Variants in OPHN1 observed in about 807,000 individuals in gnomAD.
OPHN1 encodes oligophrenin 1.
In OPHN1, 11 loss-of-function variants were observed where a neutral mutation model predicts 60.7. That is an observed-to-expected ratio of 0.18 (90% confidence interval 0.11 to 0.30). The LOEUF (loss-of-function observed/expected upper bound fraction) is 0.30, where lower values mean the gene tolerates loss of function less well. Ranked by LOEUF, OPHN1 falls within the 10% of genes least tolerant of loss-of-function variation. The pLI is 1.00. For missense variants in OPHN1, 449 were observed against 611.0 expected (o/e 0.73, Z 2.80); for synonymous variants, 226 against 222.6 (o/e 1.02, Z -0.14).
chrX:68,161,284 A>G (rs1376351171), intron 15 of OPHN1, among the ~76,000 whole-genome samples: 1 of 111,526 alleles, frequency 9.0e-6, no homozygotes, highest in African/African-American at 3.2e-5. Context: ...AAACTTCAAG[A>G]ATTAATATGA....
At chrX:68,131,153 T>C (rs1314084591) in intron 15 of OPHN1, among the ~76,000 whole-genome samples, 1 of 111,318 alleles carries the variant, frequency 9.0e-6, no homozygotes, top group Non-Finnish European at 1.9e-5. Context: ...ACAAAATAGA[T>C]TTCAAGCCAA....
intron 2 of OPHN1, among the ~76,000 whole-genome samples, chrX:68,362,951 G>C (rs182845745): frequency 9.0e-6 from 1 of 111,146 alleles, no homozygotes; most frequent in East Asian, 2.9e-4. Flanking sequence ...AAACTGCTTT[G>C]AAAAATAGAA....
At chrX:68,076,282 C>T (rs774921667) in intron 19 of OPHN1, among the ~76,000 whole-genome samples, 21 of 110,137 alleles carry the variant, frequency 1.9e-4, no homozygotes, top group Non-Finnish European at 3.8e-4. Context: ...CCACTGAACA[C>T]CTATTAGAAT....
intron 2 of OPHN1, among the ~76,000 whole-genome samples, chrX:68,303,255 C>T (rs1450342332): frequency 1.8e-5 from 2 of 112,140 alleles, no homozygotes; most frequent in South Asian, 3.7e-4. Context: ...ACCCCAAAAG[C>T]AGTATATCAA....
intron 18 of OPHN1, among the ~76,000 whole-genome samples, chrX:68,105,755 A>G (rs1250774564): frequency 9.1e-6 from 1 of 109,851 alleles, no homozygotes; most frequent in Non-Finnish European, 1.9e-5. Flanking sequence ...GGGTATACCT[A>G]TGTAACAAAC....
At chrX:68,331,828 G>T (rs2078296653) in intron 2 of OPHN1, among the ~76,000 whole-genome samples, 1 of 109,493 alleles carries the variant, frequency 9.1e-6, no homozygotes, top group African/African-American at 3.3e-5. Flanking sequence ...GAGGTCAAGA[G>T]ATCGAGACCA....
intron 15 of OPHN1, among the ~76,000 whole-genome samples, chrX:68,152,323 C>A (rs1018382408): frequency 9.0e-6 from 1 of 111,257 alleles, no homozygotes; most frequent in Admixed American, 9.5e-5. Context: ...TTTACTAAAA[C>A]CTCTCCTCTT....
chrX:68,313,510 C>A (rs2078184052), intron 2 of OPHN1, among the ~76,000 whole-genome samples: 1 of 111,461 alleles, frequency 9.0e-6, no homozygotes, highest in Non-Finnish European at 1.9e-5. Context: ...CTCCATTCAA[C>A]CATAAAAAAG....
intron 6 of OPHN1, 96 bp from the exon 7 acceptor site, chrX:68,214,068 T>A: frequency 1.8e-6 from 1 of 543,840 alleles, no homozygotes. Flanking sequence ...TAGATGAGCA[T>A]TTAGCCACCA....
chrX:68,258,687 C>G (rs1249824247), intron 5 of OPHN1, among the ~76,000 whole-genome samples: 2 of 109,813 alleles, frequency 1.8e-5, no homozygotes, highest in Admixed American at 9.7e-5. Flanking sequence ...AATAACATTA[C>G]CACATCAGCT....
rs762408286 is a variant in OPHN1, at chrX:68,044,528, G to A, written c.*2644C>T. On this transcript the variant is annotated 3_prime_UTR_variant, in exon 25 of 25. Transcript: ENST00000355520. ...CCAGATTCTCTAACTTGCTGGCCAA[G>A]GTATGTTGATAATTTCCTATAGCTG... 6 of 112,339 alleles carry A rather than the reference G, an allele frequency of 5.3e-5. No homozygotes were observed. The highest frequency in any genetic ancestry group is 1.1e-4 in the Non-Finnish European group (6 of 53,288). The allele number at this position is 112,339 out of a possible 1,213,427, so 9.3% of individuals were successfully genotyped here.
At chrX:68,271,584 A>C (rs1049558182) in intron 5 of OPHN1, among the ~76,000 whole-genome samples, 1 of 110,454 alleles carries the variant, frequency 9.1e-6, no homozygotes, top group East Asian at 2.9e-4. Context: ...GGATAGCAGA[A>C]TGTTTGCTGA....
intron 2 of OPHN1, among the ~76,000 whole-genome samples, chrX:68,380,116 T>C (rs1713261182): frequency 1.8e-5 from 2 of 111,518 alleles, no homozygotes; most frequent in South Asian, 3.8e-4. Flanking sequence ...AGCCTGTTAC[T>C]GGTCTATTCG....
intron 2 of OPHN1, among the ~76,000 whole-genome samples, chrX:68,329,633 G>A (rs1304562749): frequency 9.0e-6 from 1 of 111,563 alleles, no homozygotes; most frequent in Non-Finnish European, 1.9e-5. Flanking sequence ...TAAGCCTCTT[G>A]CCAGCATGAC....
intron 5 of OPHN1, among the ~76,000 whole-genome samples, chrX:68,264,868 C>G (rs2077914758): frequency 8.9e-6 from 1 of 112,710 alleles, no homozygotes; most frequent in Non-Finnish European, 1.9e-5. Flanking sequence ...AAACGACACA[C>G]CAGGAGATTA....
At chrX:68,402,444 T>C (rs2078720644) in intron 2 of OPHN1, among the ~76,000 whole-genome samples, 1 of 111,289 alleles carries the variant, frequency 9.0e-6, no homozygotes, top group Admixed American at 9.6e-5. Flanking sequence ...CTTTGAGGTT[T>C]CCATTCTTGC....
chrX:68,202,467 A>C (rs2077539037), intron 10 of OPHN1, among the ~76,000 whole-genome samples: 2 of 110,362 alleles, frequency 1.8e-5, no homozygotes, highest in Non-Finnish European at 3.8e-5. Context: ...AAGAGAAGTA[A>C]CATTTATCAC....
At chrX:68,065,424 T>A (rs996369932) in intron 20 of OPHN1, among the ~76,000 whole-genome samples, 1 of 111,723 alleles carries the variant, frequency 9.0e-6, no homozygotes, top group African/African-American at 3.3e-5. Flanking sequence ...GATGAGTAGG[T>A]TGGGGGAACG....
intron 2 of OPHN1, among the ~76,000 whole-genome samples, chrX:68,317,314 A>G (rs1387306076): frequency 3.2e-5 from 3 of 93,178 alleles, no homozygotes; most frequent in African/African-American, 8.3e-5. Context: ...AAAAAAAGAA[A>G]AAGAAGAAGA....
Sources: allele counts gnomAD v4.1 joint callset (sites outside exome capture counted in the v4.1 genomes callset), GRCh38; gene constraint gnomAD v4.1.1; transcripts MANE v1.5; gene names NCBI Gene and HGNC (gene_info 2026-07-23, HGNC 2026-07-21).